Variants in IMMP2L observed in about 807,000 individuals in gnomAD.
The protein encoded by IMMP2L is mitochondrial inner membrane protease subunit 2.
In IMMP2L, 18 loss-of-function variants were observed where a neutral mutation model predicts 19.3. The observed-to-expected ratio is 0.93, with a 90% CI of 0.64 to 1.38. IMMP2L has a LOEUF of 1.38. Among genes scored for constraint, IMMP2L ranks in the 40% most tolerant of loss-of-function variants. IMMP2L has a pLI of 0.00. For synonymous variants in IMMP2L, 76 were observed against 73.0 expected, an observed-to-expected ratio of 1.04 and a Z score of -0.21; for missense variants, 233 against 218.2, an observed-to-expected ratio of 1.07 and a Z score of -0.43.
At chr7:110,769,638 G>A (rs575204997) in intron 5 of IMMP2L, among the ~76,000 whole-genome samples, 2 of 152,254 alleles carry the variant, frequency 1.3e-5, no homozygotes, top group African/African-American at 2.4e-5. Flanking sequence ...ATTATAAGCT[G>A]TCTATGGGTG....
At chr7:110,699,542 G>A (rs1300543011) in intron 5 of IMMP2L, among the ~76,000 whole-genome samples, 4 of 152,028 alleles carry the variant, frequency 2.6e-5, no homozygotes, top group Non-Finnish European at 5.9e-5. Context: ...AGGCCGAGGC[G>A]GGCGGATCAT....
At chr7:110,674,471 T>A (rs1792146583) in intron 5 of IMMP2L, among the ~76,000 whole-genome samples, 1 of 152,194 alleles carries the variant, frequency 6.6e-6, no homozygotes, top group East Asian at 1.9e-4. Flanking sequence ...ATCCATTTGA[T>A]TAAAATATTT....
chr7:111,443,780 T>A (rs1217598072), intron 3 of IMMP2L, among the ~76,000 whole-genome samples: 1 of 152,162 alleles, frequency 6.6e-6, no homozygotes, highest in Non-Finnish European at 1.5e-5. Flanking sequence ...GATCACTAAG[T>A]ATCTTTAAAC....
chr7:111,050,900 T>G (rs186675448), intron 3 of IMMP2L, among the ~76,000 whole-genome samples: 2 of 152,326 alleles, frequency 1.3e-5, no homozygotes, highest in East Asian at 3.9e-4. Flanking sequence ...TCAGTCCTCT[T>G]GTCTAGAAAA....
chr7:111,338,877 G>C (rs1231344852), intron 3 of IMMP2L, among the ~76,000 whole-genome samples: 1 of 152,046 alleles, frequency 6.6e-6, no homozygotes, highest in African/African-American at 2.4e-5. Context: ...TTGGCAACAA[G>C]CTTCACCAAA....
intron 4 of IMMP2L, among the ~76,000 whole-genome samples, chr7:110,957,474 C>A (rs1818469998): frequency 6.6e-6 from 1 of 151,844 alleles, no homozygotes; most frequent in South Asian, 2.1e-4. Flanking sequence ...GATTATCCCC[C>A]TTTAGTCTAT....
At chr7:111,471,223 G>T (rs533299286) in intron 3 of IMMP2L, among the ~76,000 whole-genome samples, 3 of 152,164 alleles carry the variant, frequency 2.0e-5, no homozygotes, top group African/African-American at 7.2e-5. Context: ...CTTTCCAGAT[G>T]TTTGGAAATA....
chr7:110,689,338 T>C (rs998689049), intron 5 of IMMP2L, among the ~76,000 whole-genome samples: 1 of 151,918 alleles, frequency 6.6e-6, no homozygotes, highest in Admixed American at 6.6e-5. Flanking sequence ...ATGCACATGT[T>C]ATTTTTTCCA....
chr7:111,499,907 T>G (rs549245863), intron 2 of IMMP2L, among the ~76,000 whole-genome samples: 1 of 152,222 alleles, frequency 6.6e-6, no homozygotes, highest in South Asian at 2.1e-4. Flanking sequence ...TTTCTGCATT[T>G]CCATCTGAGG....
At chr7:110,694,552 G>A (rs1268560214) in intron 5 of IMMP2L, among the ~76,000 whole-genome samples, 1 of 152,048 alleles carries the variant, frequency 6.6e-6, no homozygotes, top group Non-Finnish European at 1.5e-5. Flanking sequence ...TGATTTCTTG[G>A]CAATTATTAA....
At chr7:111,284,306 A>C (rs1007213016) in intron 3 of IMMP2L, among the ~76,000 whole-genome samples, 6 of 152,164 alleles carry the variant, frequency 3.9e-5, no homozygotes, top group African/African-American at 1.4e-4. Context: ...AAAAAATCAT[A>C]ACTTGTGTTT....
chr7:111,089,521 T>C (rs1011470306), intron 3 of IMMP2L, among the ~76,000 whole-genome samples: 1 of 152,072 alleles, frequency 6.6e-6, no homozygotes, highest in African/African-American at 2.4e-5. Flanking sequence ...ATTTGCTAGA[T>C]TAAAATTAAG....
rs35397706 is a variant in IMMP2L, at chr7:110,728,392, G to T, written c.409-64671C>A. Among the ~76,000 whole-genome samples, 1 of 151,728 alleles carries T rather than the reference G, an allele frequency of 6.6e-6. No individual in the cohort carries two copies. The highest frequency in any genetic ancestry group is 6.6e-5 in the Admixed American group (1 of 15,226). ...TGTGTGCCTGTAAACCCAGCTACTC[G>T]GGAGGCTGAGGCACGAGAATCGCTT... On this transcript the variant is annotated intron_variant, in intron 5 of 5. Coordinates refer to ENST00000405709, the MANE Select transcript of IMMP2L (RefSeq NM_032549.4). This position sits in a 1 kb window ranked among gnomAD's most constrained non-coding sequence, Gnocchi z 4.6.
intron 3 of IMMP2L, among the ~76,000 whole-genome samples, chr7:111,277,785 T>TGTGTTTTGCA (rs1819262608): frequency 2.0e-5 from 3 of 152,264 alleles, no homozygotes; most frequent in Admixed American, 2.0e-4. Flanking sequence ...CTGTAATTTG[T>TGTGTTTTGCA]GTGTTTATTG....
intron 3 of IMMP2L, among the ~76,000 whole-genome samples, chr7:111,301,936 A>C (rs1243363233): frequency 6.7e-6 from 1 of 149,110 alleles, no homozygotes; most frequent in African/African-American, 2.5e-5. Context: ...AAAAAAAAAA[A>C]AAAAAAAAAA....
At position 111,136,590 on chromosome 7, in the gene IMMP2L, G is replaced by A. The variant is rs140817327; in HGVS notation, c.240-173025C>T. On this transcript the variant is annotated intron_variant, in intron 3 of 5. Coordinates refer to ENST00000405709, the MANE Select transcript of IMMP2L (RefSeq NM_032549.4). The stretch of plus-strand genomic sequence containing the variant: ...TCTGGATATGATTCAAGTCATTAAA[G>A]TCTCTCTTAAAATATAGTACCAGAA... 5.8e-4 allele frequency among the ~76,000 whole-genome samples: 89 copies of A among 152,290 alleles called. 1 individual carries two copies. The Middle Eastern group carries it at 0.014, about 23-fold the overall frequency.
intron 4 of IMMP2L, among the ~76,000 whole-genome samples, chr7:110,915,256 C>A (rs112447784): frequency 6.6e-6 from 1 of 152,184 alleles, no homozygotes; most frequent in East Asian, 1.9e-4. Context: ...CGTGCGTGCA[C>A]GCACACACAC....
intron 3 of IMMP2L, among the ~76,000 whole-genome samples, chr7:111,385,672 T>G (rs917772021): frequency 9.9e-5 from 15 of 152,114 alleles, no homozygotes; most frequent in African/African-American, 3.4e-4. Flanking sequence ...TTTACTCTAC[T>G]GGTTACTTGG....
chr7:111,201,362 G>A (rs1810093531), intron 3 of IMMP2L, among the ~76,000 whole-genome samples: 1 of 151,636 alleles, frequency 6.6e-6, no homozygotes, highest in South Asian at 2.1e-4. Context: ...GCTATGGTCT[G>A]AATGTTGGTG....
Sources: gnomAD v4.1 joint callset for allele counts (sites outside exome capture counted in the v4.1 genomes callset) on GRCh38, gnomAD v4.1.1 for gene constraint, Gnocchi (gnomAD v3.1) non-coding constraint, MANE v1.5 for transcripts, NCBI Gene and HGNC (gene_info 2026-07-23, HGNC 2026-07-21) for gene names.